The following NDUFB3 variants were observed in gnomAD, a reference collection of about 807,000 sequenced individuals.
The protein encoded by NDUFB3 is NADH:ubiquinone oxidoreductase subunit B3.
NDUFB3 carries 7 observed loss-of-function variants against 9.0 expected under a neutral mutation model. The ratio of observed to expected loss-of-function variants is 0.78; its 90% CI spans 0.44 to 1.46. The LOEUF is 1.46. Among genes scored for constraint, NDUFB3 ranks in the 40% most tolerant of loss-of-function variants. The probability of loss-of-function intolerance (pLI) is 0.01; values close to 1 mark genes in which losing one functional copy is unlikely to be tolerated. For synonymous variants in NDUFB3, 29 were observed against 38.5 expected, an observed-to-expected ratio of 0.75 and a Z score of 0.91; for missense variants, 93 against 115.4, an observed-to-expected ratio of 0.81 and a Z score of 0.89.
intron 2 of NDUFB3, among the ~76,000 whole-genome samples, chr2:201,084,083 G>T (rs1559150442): frequency 1.3e-5 from 2 of 152,100 alleles, no homozygotes; most frequent in African/African-American, 4.8e-5. Flanking sequence ...AAGGTCAGAA[G>T]TTCGAGACCA....
intron 2 of NDUFB3, among the ~76,000 whole-genome samples, chr2:201,082,814 C>T (rs1395997305): frequency 1.3e-5 from 2 of 148,766 alleles, no homozygotes; most frequent in African/African-American, 2.5e-5. Flanking sequence ...CCCGGGTTCA[C>T]GCCATTCTCC....
intron 2 of NDUFB3, among the ~76,000 whole-genome samples, chr2:201,082,510 C>G (rs1398022523): frequency 6.6e-6 from 1 of 151,960 alleles, no homozygotes; most frequent in Non-Finnish European, 1.5e-5. Flanking sequence ...TGTGATTTGA[C>G]CACCTCAGCC....
chr2:201,077,159 A>G (rs752540901), intron 1 of NDUFB3, among the ~76,000 whole-genome samples: 1 of 152,128 alleles, frequency 6.6e-6, no homozygotes, highest in Non-Finnish European at 1.5e-5. Context: ...AGTTATAAAT[A>G]TGGACATAAT....
chr2:201,083,875 A>ACCGG, intron 2 of NDUFB3, among the ~76,000 whole-genome samples: 1 of 152,108 alleles, frequency 6.6e-6, no homozygotes, highest in Non-Finnish European at 1.5e-5. Context: ...GAATATTTGC[A>ACCGG]CCAGGTGTGG....
At chr2:201,078,788 TA>T in intron 1 of NDUFB3, 92 bp from the exon 2 acceptor site, 1 of 1,225,516 alleles carries the variant, frequency 8.2e-7, no homozygotes, top group Non-Finnish European at 1.1e-6. Context: ...TTTTTAATAT[TA>T]AATGCTTTAC....
At chr2:201,074,007 C>T (rs368498220) in intron 1 of NDUFB3, among the ~76,000 whole-genome samples, 48 of 152,084 alleles carry the variant, frequency 3.2e-4, no homozygotes, top group South Asian at 2.5e-3. Context: ...GGCTGGAGTG[C>T]AGTGGCGCGA....
chr2:201,078,289 G>A (rs981667845), intron 1 of NDUFB3, among the ~76,000 whole-genome samples: 2 of 151,756 alleles, frequency 1.3e-5, no homozygotes, highest in African/African-American at 4.8e-5. Context: ...GCGACAGAGC[G>A]AGACGCCGTC....
At chr2:201,075,830 A>G (rs1339129652) in intron 1 of NDUFB3, among the ~76,000 whole-genome samples, 3 of 152,166 alleles carry the variant, frequency 2.0e-5, no homozygotes, top group Non-Finnish European at 4.4e-5. Context: ...TTCTATCAAA[A>G]TTCTTGACCC....
chr2:201,076,135 G>A (rs1305408403), intron 1 of NDUFB3, among the ~76,000 whole-genome samples: 1 of 152,066 alleles, frequency 6.6e-6, no homozygotes, highest in Non-Finnish European at 1.5e-5. Context: ...TGGGTTAAAT[G>A]TTTCATTCAG....
intron 1 of NDUFB3, 137 bp downstream of exon 1, chr2:201,072,196 A>G (rs759291174): frequency 1.3e-5 from 2 of 152,360 alleles, no homozygotes; most frequent in Non-Finnish European, 2.9e-5. Flanking sequence ...GCAGGCGAGA[A>G]CTAATGAAGT....
intron 2 of NDUFB3, among the ~76,000 whole-genome samples, 190 bp from the exon 3 acceptor site, chr2:201,085,269 C>T (rs146029882): frequency 2.0e-5 from 3 of 152,270 alleles, no homozygotes; most frequent in Non-Finnish European, 4.4e-5. Context: ...GTTTATTCTT[C>T]TATTTTATAT....
At chr2:201,080,846 G>T (rs2047214403) in intron 2 of NDUFB3, among the ~76,000 whole-genome samples, 2 of 151,468 alleles carry the variant, frequency 1.3e-5, no homozygotes, top group African/African-American at 4.9e-5. Context: ...TGGGACTACA[G>T]GTGCCTGCCA....
At chr2:201,082,356 G>C (rs796654318) in intron 2 of NDUFB3, among the ~76,000 whole-genome samples, 2 of 150,616 alleles carry the variant, frequency 1.3e-5, no homozygotes, top group African/African-American at 4.9e-5. Context: ...CCTCTACCTC[G>C]TGGGCTGAAA....
At chr2:201,084,252 C>T (rs963969223) in intron 2 of NDUFB3, among the ~76,000 whole-genome samples, 2 of 150,612 alleles carry the variant, frequency 1.3e-5, no homozygotes, top group Non-Finnish European at 3.0e-5. Context: ...ATCGTACCAT[C>T]GCACTCCAGC....
intron 1 of NDUFB3, among the ~76,000 whole-genome samples, chr2:201,075,079 C>G (rs1215751720): frequency 2.0e-5 from 3 of 150,964 alleles, no homozygotes; most frequent in Non-Finnish European, 4.4e-5. Flanking sequence ...GGTGCCATGG[C>G]TCACGCCTGT....
chr2:201,081,977 G>A (rs539070099), intron 2 of NDUFB3, among the ~76,000 whole-genome samples: 7 of 151,312 alleles, frequency 4.6e-5, no homozygotes, highest in East Asian at 2.0e-4. Context: ...CACTATGCCC[G>A]GCTAATTTTT....
intron 1 of NDUFB3, among the ~76,000 whole-genome samples, chr2:201,078,431 C>T (rs76655038): frequency 0.021 from 3,202 of 152,238 alleles, 47 homozygotes; most frequent in African/African-American, 0.037. Context: ...TCTCATTGTC[C>T]TCATCTGTAA....
chr2:201,082,201 G>A (rs1196445804), intron 2 of NDUFB3, among the ~76,000 whole-genome samples: 2 of 151,854 alleles, frequency 1.3e-5, no homozygotes, highest in African/African-American at 2.4e-5. Context: ...TGATCCGCTC[G>A]CCTCAGCCCC....
At chr2:201,085,112 T>C (rs1191250941) in intron 2 of NDUFB3, among the ~76,000 whole-genome samples, 1 of 152,200 alleles carries the variant, frequency 6.6e-6, no homozygotes, top group Non-Finnish European at 1.5e-5. Flanking sequence ...TAATACCAAG[T>C]CTCTAACTTC....
Sources: gnomAD v4.1 joint callset for allele counts (sites outside exome capture counted in the v4.1 genomes callset) on GRCh38, gnomAD v4.1.1 for gene constraint, MANE v1.5 for transcripts, NCBI Gene and HGNC (gene_info 2026-07-23, HGNC 2026-07-21) for gene names.